Variants in SUPT6H observed in about 807,000 individuals in gnomAD.
SUPT6H encodes SPT6 homolog, histone chaperone and transcription elongation factor, also known as transcription elongation factor SPT6.
In SUPT6H, 11 loss-of-function variants were observed where a neutral mutation model predicts 222.3. That is an observed-to-expected ratio of 0.05 (90% CI 0.03 to 0.08). The LOEUF is 0.08. Ranked by LOEUF, SUPT6H falls within the 10% of genes least tolerant of loss-of-function variation. The pLI, the probability that SUPT6H is intolerant of heterozygous loss-of-function variation, is 1.00. For synonymous variants in SUPT6H, 762 were observed against 801.2 expected, an observed-to-expected ratio of 0.95 and a Z score of 0.83; for missense variants, 1,422 against 2,216.0, an observed-to-expected ratio of 0.64 and a Z score of 7.19.
At chr17:28,668,741 A>G (rs548315777) in intron 1 of SUPT6H, among the ~76,000 whole-genome samples, 34 of 152,314 alleles carry the variant, frequency 2.2e-4, no homozygotes, top group African/African-American at 8.2e-4. Context: ...TGGGTCTGAT[A>G]GCCTAATTAG....
Position 28,675,501 on chromosome 17 carries a change from T to A in SUPT6H, c.623+16T>A. Reference sequence around the variant, plus strand: ...ACACAGACGCGTGAGTGGGGTCTGGTACAAGGTGGGGATAAAGTGATTGAG... The same window carrying A: ...ACACAGACGCGTGAGTGGGGTCTGGAACAAGGTGGGGATAAAGTGATTGAG... On this transcript the variant is annotated intron_variant, in intron 6 of 36. Coordinates refer to ENST00000314616, the MANE Select transcript of SUPT6H (RefSeq NM_003170.5). 1.9e-6 allele frequency: 3 copies of A among 1,613,730 alleles called. No homozygotes were observed. Among genetic ancestry groups the A allele is most frequent in the Non-Finnish European group, 2.5e-6 (3 of 1,179,618 alleles).
intron 27 of SUPT6H, among the ~76,000 whole-genome samples, 164 bp from the exon 28 acceptor site, chr17:28,693,532 G>A (rs910528127): frequency 1.3e-5 from 2 of 152,222 alleles, no homozygotes; most frequent in African/African-American, 4.8e-5. Flanking sequence ...GGACTTTGTA[G>A]ATGGTCAAAT....
chr17:28,697,581 C>G (rs369588138), intron 30 of SUPT6H, 39 bp from the exon 31 acceptor site: 2 of 1,543,222 alleles, frequency 1.3e-6, no homozygotes, highest in African/African-American at 1.4e-5. Context: ...AATCTCAGCT[C>G]TGGATATGAC....
intron 20 of SUPT6H, 88 bp downstream of exon 20, chr17:28,686,503 G>C: frequency 1.3e-6 from 2 of 1,548,294 alleles, no homozygotes; most frequent in Non-Finnish European, 1.8e-6. Context: ...ATAACAGATG[G>C]GGCTTGTGCT....
chr17:28,685,336 A>G (rs2031326499), intron 19 of SUPT6H, among the ~76,000 whole-genome samples: 2 of 152,080 alleles, frequency 1.3e-5, no homozygotes, highest in South Asian at 4.1e-4. Context: ...AAGACTTTCA[A>G]TTCATTTGGT....
intron 12 of SUPT6H, 67 bp from the exon 13 acceptor site, chr17:28,681,815 T>C: frequency 7.1e-7 from 1 of 1,417,564 alleles, no homozygotes; most frequent in Non-Finnish European, 9.7e-7. Flanking sequence ...GCTTCTCTCC[T>C]AATGTGTCAG....
chr17:28,699,980 G>T, intron 33 of SUPT6H, 87 bp downstream of exon 33: 5 of 1,414,440 alleles, frequency 3.5e-6, no homozygotes, highest in Non-Finnish European at 5.0e-6. Context: ...AGGGGACCAG[G>T]TGAGGAGTAG....
rs374154032 is a variant in SUPT6H, at chr17:28,674,978, C to T, written c.354C>T (p.Tyr118=). Residue 118 remains tyrosine (Y), a synonymous_variant, in exon 5 of 37, where the codon TAC becomes TAT. Coordinates refer to ENST00000314616, the MANE Select transcript of SUPT6H (RefSeq NM_003170.5). ...GGTTTTCCCACCCCTAGCAAAAGTACCGGCGTGTCAAAAAAATGTCAGATG... is the reference window on the plus strand; with the variant it reads ...GGTTTTCCCACCCCTAGCAAAAGTATCGGCGTGTCAAAAAAATGTCAGATG... ...LGVKVKRGQK[Y]RRVKKMSDDE... is the part of the protein sequence containing the mutation. 15 of 1,613,638 alleles carry T rather than the reference C, an allele frequency of 9.3e-6. No individual in the cohort carries two copies. The highest frequency in any genetic ancestry group is 1.3e-5 in the African/African-American group (1 of 74,816).
At position 28,681,922 on chromosome 17, in the gene SUPT6H, T is replaced by G; in HGVS notation, c.1539T>G (p.Pro513=). 6.2e-7 allele frequency: 1 copy of G among 1,610,514 alleles called. No individual in the cohort carries two copies. Among genetic ancestry groups the G allele is most frequent in the Non-Finnish European group, 8.5e-7 (1 of 1,179,128 alleles). ...DEAEDEEQRG[P]ELKQASRRDM... ...CAGAAGATGAGGAGCAGAGGGGGCCTGAGCTCAAGCAAGCCTCTCGCCGAG... is the reference window on the plus strand; with the variant it reads ...CAGAAGATGAGGAGCAGAGGGGGCCGGAGCTCAAGCAAGCCTCTCGCCGAG... Residue 513 remains proline (P), a synonymous_variant, in exon 13 of 37, where the codon CCT becomes CCG. Coordinates refer to ENST00000314616, the MANE Select transcript of SUPT6H (RefSeq NM_003170.5).
At chr17:28,682,130 A>T in intron 13 of SUPT6H, 150 bp downstream of exon 13, 1 of 586,632 alleles carries the variant, frequency 1.7e-6, no homozygotes, top group South Asian at 2.4e-5. Flanking sequence ...CTTTAAAAAT[A>T]CTCCCTCTCC....
At chr17:28,666,759 C>T (rs1340324570) in intron 1 of SUPT6H, among the ~76,000 whole-genome samples, 1 of 151,996 alleles carries the variant, frequency 6.6e-6, no homozygotes, top group Non-Finnish European at 1.5e-5. Context: ...ATCATGCTGG[C>T]CAGGCTGGTC....
intron 32 of SUPT6H, among the ~76,000 whole-genome samples, chr17:28,698,920 T>C (rs1200355478): frequency 6.6e-6 from 1 of 151,732 alleles, no homozygotes; most frequent in Admixed American, 6.6e-5. Flanking sequence ...AACTGTGTCC[T>C]GTGTGGAACA....
intron 4 of SUPT6H, 80 bp from the exon 5 acceptor site, chr17:28,674,890 A>C (rs995034922): frequency 6.7e-7 from 1 of 1,485,344 alleles, no homozygotes; most frequent in African/African-American, 1.4e-5. Flanking sequence ...TGTGGTGGGA[A>C]GAAGGGAGTG....
intron 1 of SUPT6H, chr17:28,671,106 A>T (rs2030388717): frequency 6.6e-6 from 1 of 152,132 alleles, no homozygotes. Flanking sequence ...GAGCTCCGTA[A>T]GGGCAATTTT....
At position 28,681,449 on chromosome 17, in the gene SUPT6H, T is replaced by C. The variant is rs777498987; in HGVS notation, c.1498+45T>C. 4.5e-6 allele frequency: 7 copies of C among 1,548,454 alleles called. No homozygotes were observed. The African/African-American group carries it at 9.6e-5, about 21-fold the overall frequency. On this transcript the variant is annotated intron_variant, in intron 12 of 36. Transcript: ENST00000314616. ...ATCCAGGAGATTTGATGGCCATGCA[T>C]GATGGCTCACGCATGTAATCCCAGC...
chr17:28,686,228 A>AT, intron 19 of SUPT6H, 111 bp from the exon 20 acceptor site: 1 of 977,370 alleles, frequency 1.0e-6, no homozygotes, highest in Non-Finnish European at 1.6e-6. Context: ...CTTGGACCAG[A>AT]TATCTTCTGA....
rs1300151036 is a variant in SUPT6H at position 28,686,799 on chromosome 17, G to A, written c.2700+10G>A. On this transcript the variant is annotated intron_variant, in intron 21 of 36. Transcript: ENST00000314616. ...CAGCAAGAAGTCAGAGGTAATGCTGGAGCCTCACCCTTAGGGCCTGCCCAG... is the reference window on the plus strand; with the variant it reads ...CAGCAAGAAGTCAGAGGTAATGCTGAAGCCTCACCCTTAGGGCCTGCCCAG... 6.3e-7 allele frequency: 1 copy of A among 1,589,288 alleles called. No individual in the cohort carries two copies. The highest frequency in any genetic ancestry group is 8.5e-7 in the Non-Finnish European group (1 of 1,170,300).
At chr17:28,680,654 G>C (rs1304733803) in intron 11 of SUPT6H, among the ~76,000 whole-genome samples, 1 of 151,310 alleles carries the variant, frequency 6.6e-6, no homozygotes, top group African/African-American at 2.4e-5. Flanking sequence ...TTTTGTTTTT[G>C]TTTTTGTTTT....
chr17:28,684,503 AGT>A, intron 17 of SUPT6H, 81 bp from the exon 18 acceptor site: 3 of 1,538,064 alleles, frequency 2.0e-6, no homozygotes, highest in South Asian at 2.3e-5. Flanking sequence ...TGTGTGTATG[AGT>A]GTGTTTCCAT....
Sources: gnomAD v4.1 joint callset for allele counts (sites outside exome capture counted in the v4.1 genomes callset) on GRCh38, gnomAD v4.1.1 for gene constraint, MANE v1.5 for transcripts, NCBI Gene and HGNC (gene_info 2026-07-23, HGNC 2026-07-21) for gene names.